PDE2A: variants seen among roughly 807,000 people sequenced by gnomAD.
PDE2A encodes cGMP-dependent 3',5'-cyclic phosphodiesterase.
Under a neutral mutation model 133.6 loss-of-function variants are expected in PDE2A, and 53 were observed. The observed-to-expected ratio is 0.40, with a 90% CI of 0.32 to 0.50. The LOEUF (loss-of-function observed/expected upper bound fraction) is 0.50, where lower values mean the gene tolerates loss of function less well. Among genes scored for constraint, PDE2A ranks in the 20% least tolerant of loss-of-function variants. The pLI is 0.73. For missense variants in PDE2A, 796 were observed against 1,232.4 expected (o/e 0.65, Z 5.30); for synonymous variants, 491 against 490.2 (o/e 1.00, Z -0.02).
intron 19 of PDE2A, among the ~76,000 whole-genome samples, chr11:72,583,955 G>A (rs1855838846): frequency 2.0e-5 from 3 of 152,176 alleles, no homozygotes; most frequent in South Asian, 4.1e-4. Flanking sequence ...TTTTGACAAC[G>A]GGAGTTTCTC....
At chr11:72,633,643 G>T (rs1858531794) in intron 2 of PDE2A, among the ~76,000 whole-genome samples, 1 of 152,134 alleles carries the variant, frequency 6.6e-6, no homozygotes. Context: ...GTGTCTGGGT[G>T]CATGGGTGTG....
intron 2 of PDE2A, among the ~76,000 whole-genome samples, chr11:72,633,240 T>C (rs997708409): frequency 7.9e-5 from 12 of 151,890 alleles, no homozygotes; most frequent in African/African-American, 2.9e-4. Context: ...CAGGGGAGGG[T>C]GGAGTCTGCT....
chr11:72,642,452 C>A (rs1047723702), intron 1 of PDE2A, 126 bp from the exon 2 acceptor site: 15 of 1,093,004 alleles, frequency 1.4e-5, no homozygotes, highest in African/African-American at 5.0e-5. Context: ...TCGCCTGGTC[C>A]GCCCGAGTGT....
chr11:72,596,516 A>ACC (rs1440083934), intron 6 of PDE2A, 77 bp downstream of exon 6: 23 of 644,986 alleles, frequency 3.6e-5, no homozygotes, highest in African/African-American at 2.6e-4. Context: ...ACACACACAC[A>ACC]CCCTGGACAG....
intron 1 of PDE2A, among the ~76,000 whole-genome samples, chr11:72,664,347 GGCTAGCCCCTT>G (rs1329762705): frequency 6.9e-6 from 1 of 145,818 alleles, no homozygotes; most frequent in African/African-American, 2.6e-5. Context: ...TACAAAATAG[GGCTAGCCCCTT>G]GAAGGATTTT....
chr11:72,626,449 G>T (rs1342245456), intron 2 of PDE2A, among the ~76,000 whole-genome samples: 1 of 152,210 alleles, frequency 6.6e-6, no homozygotes, highest in Non-Finnish European at 1.5e-5. Flanking sequence ...ATGGGGCATT[G>T]TAGAGGCCAC....
intron 6 of PDE2A, among the ~76,000 whole-genome samples, chr11:72,592,392 G>C (rs1856290904): frequency 6.6e-6 from 1 of 152,222 alleles, no homozygotes; most frequent in African/African-American, 2.4e-5. Context: ...AGCAGATGGG[G>C]AGGAGGAGAC....
Position 72,591,353 on chromosome 11 carries a change from G to T in PDE2A, c.493C>A (p.His165Asn). The change falls in exon 7 of 31, where the codon CAC (histidine) becomes AAC (asparagine). Residue 165 changes from histidine to asparagine, a missense_variant. Around this residue, in one of 7 missense-constraint regions of PDE2A, gnomAD observed 417 missense variants for 475.3 expected, o/e 0.88. Transcript: ENST00000334456. ...TCATTATCACTCAGCTGGCCACAGT[G>T]CACCTGGAGGGATGGGAGAAGGGAA... ...AGAVAAVILV[H>N]CGQLSDNEEW... is the part of the protein sequence containing the mutation. 6.2e-7 allele frequency: 1 copy of T among 1,613,290 alleles called. No homozygotes were observed. The highest frequency in any genetic ancestry group is 8.5e-7 in the Non-Finnish European group (1 of 1,179,352).
intron 2 of PDE2A, among the ~76,000 whole-genome samples, chr11:72,637,535 G>T (rs1264868059): frequency 1.3e-5 from 2 of 152,246 alleles, no homozygotes; most frequent in African/African-American, 4.8e-5. Flanking sequence ...GGGCTGAGTG[G>T]AACTGGAGAC....
chr11:72,635,363 C>T (rs1858627701), intron 2 of PDE2A, among the ~76,000 whole-genome samples: 1 of 152,218 alleles, frequency 6.6e-6, no homozygotes, highest in Admixed American at 6.5e-5. Flanking sequence ...AATAACTGAA[C>T]ATTGACATTA....
Position 72,579,373 on chromosome 11 carries a change from C to A in PDE2A, c.2267G>T (p.Arg756Leu). The change falls in exon 27 of 31, where the codon CGC (arginine) becomes CTC (leucine). Residue 756 changes from arginine to leucine, a missense_variant. Arg to Leu is a moderately radical substitution (Grantham distance 102). Around this residue, in one of 7 missense-constraint regions of PDE2A, gnomAD observed 218 missense variants for 465.9 expected, o/e 0.47. Coordinates refer to ENST00000334456, the MANE Select transcript of PDE2A (RefSeq NM_002599.5). Reference protein sequence around the residue: ...FDHFSRKDYQRMLDLMRDIIL... With the variant: ...FDHFSRKDYQLMLDLMRDIIL... ...GATGTCCCGCATCAGATCCAGCATG[C>A]GCTGATAGTCCTGAGGCGAGGGCAG... The A allele has an allele frequency of 1.2e-6, 2 of 1,613,368 alleles. No individual in the cohort carries two copies. Among genetic ancestry groups the A allele is most frequent in the Non-Finnish European group, 1.7e-6 (2 of 1,179,586 alleles).
At chr11:72,583,645 CA>C in intron 19 of PDE2A, 130 bp from the exon 20 acceptor site, 1 of 691,822 alleles carries the variant, frequency 1.4e-6, no homozygotes, top group East Asian at 2.5e-5. Context: ...TCAAAACCTT[CA>C]AGCTCCAGTC....
intron 2 of PDE2A, among the ~76,000 whole-genome samples, chr11:72,622,292 T>C (rs570616715): frequency 1.3e-5 from 2 of 152,342 alleles, no homozygotes; most frequent in African/African-American, 2.4e-5. Context: ...GAAAACAGTA[T>C]GGCAGTTCCT....
intron 2 of PDE2A, among the ~76,000 whole-genome samples, chr11:72,626,994 C>T (rs1858109326): frequency 6.6e-6 from 1 of 152,200 alleles, no homozygotes; most frequent in Admixed American, 6.5e-5. Flanking sequence ...TCATGGACCT[C>T]TCTGACTGCC....
At chr11:72,582,023 C>A (rs1855745508) in intron 21 of PDE2A, 76 bp from the exon 22 acceptor site, 1 of 1,173,338 alleles carries the variant, frequency 8.5e-7, no homozygotes, top group Non-Finnish European at 1.3e-6. Flanking sequence ...CTTCTTCAAG[C>A]TCCACACTCA....
chr11:72,579,152 G>A, intron 27 of PDE2A, 132 bp downstream of exon 27: 1 of 927,138 alleles, frequency 1.1e-6, no homozygotes, highest in South Asian at 1.5e-5. Context: ...GGGTCTGCCT[G>A]GGGGGGGCCG....
Position 72,578,863 on chromosome 11 carries a change from C to T in PDE2A, c.2469+34G>A, listed in dbSNP as rs1389769971. 3 of 1,356,148 alleles carry T rather than the reference C, an allele frequency of 2.2e-6. No individual in the cohort carries two copies. The highest frequency in any genetic ancestry group is 3.2e-6 in the Non-Finnish European group (3 of 946,396). The allele number at this position is 1,356,148 out of a possible 1,614,324, so 84.0% of individuals were successfully genotyped here. On this transcript the variant is annotated intron_variant, in intron 28 of 30. Coordinates refer to ENST00000334456, the MANE Select transcript of PDE2A (RefSeq NM_002599.5). This position sits in a 1 kb window ranked among gnomAD's most constrained non-coding sequence, Gnocchi z 4.2. Reference sequence around the variant, plus strand: ...GGCACCCAAAGCTGGGCAGGGTGGGCAGCCTGTGCCTTCCCAGGGAGGACT... The same window carrying T: ...GGCACCCAAAGCTGGGCAGGGTGGGTAGCCTGTGCCTTCCCAGGGAGGACT...
chr11:72,660,796 G>C (rs1565196530), intron 1 of PDE2A, among the ~76,000 whole-genome samples: 1 of 151,974 alleles, frequency 6.6e-6, no homozygotes, highest in Non-Finnish European at 1.5e-5. Flanking sequence ...TGAATAACAA[G>C]GATTTCACTG....
chr11:72,600,977 G>A (rs1856716166), intron 4 of PDE2A, among the ~76,000 whole-genome samples: 1 of 151,544 alleles, frequency 6.6e-6, no homozygotes, highest in Non-Finnish European at 1.5e-5. Context: ...GGAAAGAGCT[G>A]GGTCCCCTGC....
Sources: allele counts gnomAD v4.1 joint callset (sites outside exome capture counted in the v4.1 genomes callset), GRCh38; gene constraint gnomAD v4.1.1; regional missense constraint gnomAD v4.1.1; non-coding constraint Gnocchi (gnomAD v3.1); transcripts MANE v1.5; gene names NCBI Gene and HGNC (gene_info 2026-07-23, HGNC 2026-07-21).